The following RREB1 variants were observed in gnomAD, a reference collection of about 807,000 sequenced individuals.
RREB1 encodes the protein ras responsive element binding protein 1, also known as ras-responsive element-binding protein 1.
In RREB1, 27 loss-of-function variants were observed where a neutral mutation model predicts 117.8. The ratio of observed to expected loss-of-function variants is 0.23; its 90% confidence interval spans 0.17 to 0.32. RREB1 has a LOEUF of 0.32. Among genes scored for constraint, RREB1 ranks in the 10% least tolerant of loss-of-function variants. The pLI is 1.00. For synonymous variants in RREB1, 1,298 were observed against 1,026.7 expected, an observed-to-expected ratio of 1.26 and a Z score of -5.05; for missense variants, 2,577 against 2,378.2, an observed-to-expected ratio of 1.08 and a Z score of -1.74.
rs1303608006 is a variant in RREB1 at position 7,246,464 on chromosome 6, A to G, written c.4014A>G (p.Glu1338=). Residue 1338 remains glutamate, a synonymous_variant, in exon 12 of 13, where the codon GAA becomes GAG. Transcript: ENST00000379938. ...SDAETAAAAG[E]VLDLTSRDRE... ...CGGAGACTGCAGCCGCCGCGGGCGA[A>G]GTGCTAGACCTCACCTCACGGGACA... The G allele has an allele frequency of 6.6e-7, 1 of 1,515,566 alleles. No homozygotes were observed. Among genetic ancestry groups the G allele is most frequent in the East Asian group, 2.5e-5 (1 of 40,668 alleles). 93.9% of individuals were successfully genotyped at this position (1,515,566 alleles called of 1,614,324 possible). A position where few individuals can be genotyped will look rare whatever the true frequency, so the allele number is the denominator to read the frequency against.
At chr6:7,170,891 C>T (rs1764173537) in intron 1 of RREB1, among the ~76,000 whole-genome samples, 1 of 152,100 alleles carries the variant, frequency 6.6e-6, no homozygotes, top group Non-Finnish European at 1.5e-5. Flanking sequence ...TGGATGGAAG[C>T]CTCCAGAGAG....
chr6:7,144,419 T>C (rs1688342732), intron 1 of RREB1, among the ~76,000 whole-genome samples: 2 of 152,208 alleles, frequency 1.3e-5, no homozygotes, highest in African/African-American at 4.8e-5. Flanking sequence ...AACTTTACAA[T>C]GTGGTATTGA....
chr6:7,220,551 C>T (rs1767190230), intron 8 of RREB1, among the ~76,000 whole-genome samples: 1 of 152,158 alleles, frequency 6.6e-6, no homozygotes, highest in Non-Finnish European at 1.5e-5. Flanking sequence ...CCCCCAAATA[C>T]ATTTACTTTA....
At chr6:7,129,482 G>A (rs186841732) in intron 1 of RREB1, among the ~76,000 whole-genome samples, 13 of 152,210 alleles carry the variant, frequency 8.5e-5, no homozygotes, top group Admixed American at 6.5e-4. Flanking sequence ...GGTGACTGCC[G>A]TGGCTCACTT....
In RREB1 at chr6:7,211,686, GACCCATTCAGATA is replaced by G; in HGVS notation, c.690_702del (p.Ser231Ter). The G allele has an allele frequency of 6.2e-7, 1 of 1,614,150 alleles. No homozygotes were observed. Among genetic ancestry groups the G allele is most frequent in the South Asian group, 1.1e-5 (1 of 91,068 alleles). On this transcript the variant is annotated frameshift_variant, in exon 8 of 13. Transcript: ENST00000379938. LOFTEE classifies it high-confidence loss of function. ...AGTATGGACTGGAGACCCACATGGA[GACCCATTCAGATA>G]ACCCACTAAGGTAGGAGAAAGAGTG...
chr6:7,167,821 A>G (rs1404930707), intron 1 of RREB1, among the ~76,000 whole-genome samples: 1 of 152,186 alleles, frequency 6.6e-6, no homozygotes, highest in African/African-American at 2.4e-5. Context: ...ATGTTTGTAA[A>G]GTATTTTAAC....
intron 11 of RREB1, among the ~76,000 whole-genome samples, chr6:7,244,792 G>C (rs1329169861): frequency 6.6e-6 from 1 of 152,186 alleles, no homozygotes; most frequent in East Asian, 1.9e-4. Flanking sequence ...CCCCAAGCAG[G>C]TGTGAACAGT....
At chr6:7,241,279 C>G (rs1356603074) in intron 11 of RREB1, among the ~76,000 whole-genome samples, 6 of 152,124 alleles carry the variant, frequency 3.9e-5, no homozygotes, top group Non-Finnish European at 1.5e-5. Flanking sequence ...CTTATAGTTT[C>G]TGAATTTACT....
At chr6:7,170,949 C>G (rs1332857926) in intron 1 of RREB1, among the ~76,000 whole-genome samples, 1 of 152,110 alleles carries the variant, frequency 6.6e-6, no homozygotes, top group African/African-American at 2.4e-5. Context: ...CAGAGGGTTT[C>G]TGACTCGGTA....
chr6:7,154,808 C>G (rs574881494), intron 1 of RREB1, among the ~76,000 whole-genome samples: 1 of 152,270 alleles, frequency 6.6e-6, no homozygotes, highest in African/African-American at 2.4e-5. Context: ...TTAAGGTAGT[C>G]TTTTCATTTT....
chr6:7,188,339 C>T (rs1765211870), intron 5 of RREB1, among the ~76,000 whole-genome samples: 1 of 152,004 alleles, frequency 6.6e-6, no homozygotes, highest in African/African-American at 2.4e-5. Context: ...CAACCTCTGC[C>T]TCCTGAGTTC....
rs765428877 is a variant in RREB1, at chr6:7,231,187, G to T, written c.3088G>T (p.Val1030Leu). The T allele has an allele frequency of 6.2e-7, 1 of 1,611,418 alleles. No homozygotes were observed. Among genetic ancestry groups the T allele is most frequent in the Non-Finnish European group, 8.5e-7 (1 of 1,179,208 alleles). ...AGCCCTGGTCAGCAGCCCTCCACTC[G>T]TGGGCAGCTCAGCCCTCCTGAGTGG... is the stretch of plus-strand genomic sequence containing the variant. ...SSALVSSPPL[V>L]GSSALLSGTA... The change falls in exon 10 of 13, where the codon GTG (valine) becomes TTG (leucine). Residue 1030 changes from valine (V) to leucine (L), a missense_variant. Val to Leu is a conservative substitution (Grantham distance 32, BLOSUM62 1). Transcript: ENST00000379938.
intron 1 of RREB1, among the ~76,000 whole-genome samples, chr6:7,162,223 T>A (rs1763705436): frequency 6.6e-6 from 1 of 152,014 alleles, no homozygotes; most frequent in Non-Finnish European, 1.5e-5. Context: ...TAAAAAATGA[T>A]CTCTACCATC....
At chr6:7,180,792 A>G (rs993304284) in intron 2 of RREB1, among the ~76,000 whole-genome samples, 1 of 152,206 alleles carries the variant, frequency 6.6e-6, no homozygotes, top group Admixed American at 6.5e-5. Flanking sequence ...GGTCAAGTGG[A>G]GCCTGAGCAT....
rs1021570236 is a variant in RREB1 at position 7,230,859 on chromosome 6, G to C, written c.2760G>C (p.Leu920=). 1.2e-6 allele frequency: 2 copies of C among 1,614,104 alleles called. No homozygotes were observed. Among genetic ancestry groups the C allele is most frequent in the African/African-American group, 2.7e-5 (2 of 74,938 alleles). Residue 920 remains leucine, a synonymous_variant, in exon 10 of 13, where the codon CTG becomes CTC. Transcript: ENST00000379938. ...VQVKQENISF[L]SPSSLVPYDC... Reference sequence around the variant, plus strand: ...TGAAGCAGGAAAACATCTCCTTTCTGAGCCCTTCTTCCCTGGTCCCCTATG... The same window carrying C: ...TGAAGCAGGAAAACATCTCCTTTCTCAGCCCTTCTTCCCTGGTCCCCTATG...
At chr6:7,195,146 ATTTCT>A (rs1765604181) in intron 6 of RREB1, among the ~76,000 whole-genome samples, 1 of 152,138 alleles carries the variant, frequency 6.6e-6, no homozygotes, top group Admixed American at 6.5e-5. Flanking sequence ...ATTGAGAGTG[ATTTCT>A]TTTAAGTGTG....
chr6:7,134,117 G>C (rs1762258121), intron 1 of RREB1, among the ~76,000 whole-genome samples: 2 of 152,094 alleles, frequency 1.3e-5, no homozygotes, highest in African/African-American at 4.8e-5. Flanking sequence ...CTATCTTCTA[G>C]GTTACATGAA....
chr6:7,112,375 T>TG lies in RREB1; in HGVS notation c.-285+4315_-285+4316insG, dbSNP rs1447226562. On this transcript the variant is annotated intron_variant, in intron 1 of 12. Transcript: ENST00000379938. ...CTGCTTCAAGGTTAATTTCTGTACA[T>TG]CTGACCTATTGAACAGGCAGTGTTG... Among the ~76,000 whole-genome samples the TG allele has an allele frequency of 3.5e-4, 53 of 152,358 alleles. 1 individual carries two copies. The highest frequency in any genetic ancestry group is 1.2e-3 in the African/African-American group (50 of 41,586).
intron 1 of RREB1, among the ~76,000 whole-genome samples, chr6:7,138,085 C>T (rs544189867): frequency 6.6e-6 from 1 of 152,000 alleles, no homozygotes; most frequent in Admixed American, 6.6e-5. Flanking sequence ...CATTAGACAC[C>T]CTTTGTGCAC....
Sources: allele counts gnomAD v4.1 joint callset (sites outside exome capture counted in the v4.1 genomes callset), GRCh38; gene constraint gnomAD v4.1.1; transcripts MANE v1.5; gene names NCBI Gene and HGNC (gene_info 2026-07-23, HGNC 2026-07-21).